CFAP47: variants seen among roughly 807,000 people sequenced by gnomAD.
CFAP47 encodes the protein cilia and flagella associated protein 47.
CFAP47 carries 29 observed loss-of-function variants against 148.1 expected under a neutral mutation model. The ratio of observed to expected loss-of-function variants is 0.20; its 90% confidence interval spans 0.15 to 0.27. The LOEUF is 0.27. CFAP47 is among the 10% of genes least tolerant of loss of function. CFAP47 has a pLI of 1.00. For missense variants in CFAP47, 1,872 were observed against 1,697.5 expected (o/e 1.10, Z -1.81); for synonymous variants, 664 against 577.3 (o/e 1.15, Z -2.15).
At chrX:36,160,850 CTTTT>C (rs147566241) in intron 39 of CFAP47, 81 bp downstream of exon 39, 427 of 157,813 alleles carry the variant, frequency 2.7e-3, no homozygotes, top group Middle Eastern at 8.1e-3. Context: ...TTCTTTCTTT[CTTTT>C]TTTTTTTTTT....
At chrX:35,937,721 G>T (rs1935938994) in intron 2 of CFAP47, among the ~76,000 whole-genome samples, 1 of 110,136 alleles carries the variant, frequency 9.1e-6, no homozygotes, top group Admixed American at 9.8e-5. Context: ...AGTCCAACTG[G>T]ATCTGAACTA....
Position 35,966,668 on chromosome X carries a change from C to A in CFAP47, c.1514C>A (p.Ser505Ter). ...GCAGAAGAAGATTTGCAATCTTTGTCGGTAAAATCTTTCCATCACGTATAT... is the reference window on the plus strand; with the variant it reads ...GCAGAAGAAGATTTGCAATCTTTGTAGGTAAAATCTTTCCATCACGTATAT... Reference protein sequence around the residue: ...LVAEEDLQSLSVKSFHHVYLA... With the variant: ...LVAEEDLQSL Residue 505 changes from serine to a stop codon, truncating the protein, a stop_gained, in exon 9 of 64, where the codon TCG becomes TAG. Transcript: ENST00000378653. LOFTEE classifies it high-confidence loss of function. The A allele has an allele frequency of 8.5e-7, 1 of 1,178,222 alleles. No individual in the cohort carries two copies.
At chrX:36,316,107 C>T (rs191769388) in intron 56 of CFAP47, among the ~76,000 whole-genome samples, 693 of 112,264 alleles carry the variant, frequency 6.2e-3, no homozygotes, top group African/African-American at 0.021. Context: ...TTGCACATGG[C>T]TTCTCAGTAA....
chrX:35,952,283 A>G (rs752060212), intron 6 of CFAP47, among the ~76,000 whole-genome samples: 1 of 111,825 alleles, frequency 8.9e-6, no homozygotes, highest in African/African-American at 3.2e-5. Context: ...TGTCCCCACG[A>G]ATAGTCAGGT....
Position 36,201,518 on chromosome X carries a change from G to C in CFAP47, c.6663+18G>C, listed in dbSNP as rs1460565031. The C allele has an allele frequency of 1.7e-5, 5 of 294,711 alleles. No individual in the cohort carries two copies. Among genetic ancestry groups the C allele is most frequent in the African/African-American group, 2.8e-5 (1 of 36,268 alleles). 24.3% of individuals were successfully genotyped at this position (294,711 alleles called of 1,213,427 possible). On this transcript the variant is annotated intron_variant, in intron 44 of 63. Transcript: ENST00000378653. ...AGATCGAGGTGGGAATGGAGTAATA[G>C]ATGATTCACTTCAATTACTCTCTCT...
At chrX:35,924,248 C>CATGTATGTGTGT (rs761132383) in intron 1 of CFAP47, among the ~76,000 whole-genome samples, 1 of 84,628 alleles carries the variant, frequency 1.2e-5, no homozygotes, top group African/African-American at 6.2e-5. Flanking sequence ...TGTATGTGTG[C>CATGTATGTGTGT]ATATGGACAT....
chrX:36,025,127 T>A (rs1445612579), intron 22 of CFAP47, among the ~76,000 whole-genome samples: 2 of 111,907 alleles, frequency 1.8e-5, no homozygotes, highest in African/African-American at 6.5e-5. Context: ...TACCTTCTTG[T>A]TAATATAAAT....
Position 36,280,542 on chromosome X carries a change from T to C in CFAP47, c.7500T>C (p.Asp2500=), listed in dbSNP as rs1219204773. ...GTACTACAAGAAGGAAACATGATGA[T>C]TATGAGGAAGACACAGATCAAGATC... ...RRCTTRRKHD[D]YEEDTDQDQA... is the part of the protein sequence containing the mutation. Residue 2500 remains aspartate, a synonymous_variant, in exon 50 of 64, where the codon GAT becomes GAC. Coordinates refer to ENST00000378653, the MANE Select transcript of CFAP47 (RefSeq NM_001304548.2). The C allele has an allele frequency of 3.9e-6, 2 of 508,159 alleles. No individual in the cohort carries two copies. The highest frequency in any genetic ancestry group is 4.6e-5 in the African/African-American group (2 of 43,091). 41.9% of individuals were successfully genotyped at this position (508,159 alleles called of 1,213,427 possible). A position where few individuals can be genotyped will look rare whatever the true frequency, so the allele number is the denominator to read the frequency against.
At chrX:36,000,743 T>G (rs1183902446) in intron 20 of CFAP47, among the ~76,000 whole-genome samples, 3 of 111,997 alleles carry the variant, frequency 2.7e-5, no homozygotes, top group Non-Finnish European at 5.6e-5. Context: ...TTGTTTTAAT[T>G]GCTCAATAAT....
chrX:36,226,309 T>G (rs1424287280), intron 45 of CFAP47, among the ~76,000 whole-genome samples: 1 of 111,481 alleles, frequency 9.0e-6, no homozygotes, highest in Non-Finnish European at 1.9e-5. Flanking sequence ...GGAAATAGAT[T>G]TAAGAAAACA....
At chrX:36,221,058 T>C (rs185380467) in intron 45 of CFAP47, among the ~76,000 whole-genome samples, 4 of 111,529 alleles carry the variant, frequency 3.6e-5, no homozygotes, top group Admixed American at 2.9e-4. Context: ...GAGATTTTGG[T>C]AAAAGAACAA....
intron 51 of CFAP47, among the ~76,000 whole-genome samples, chrX:36,291,193 C>A (rs1941189437): frequency 1.8e-5 from 2 of 111,573 alleles, no homozygotes; most frequent in South Asian, 7.5e-4. Flanking sequence ...CTGATGGAAA[C>A]AATCTAATTT....
chrX:36,008,885 C>T (rs1273882147), intron 21 of CFAP47, among the ~76,000 whole-genome samples: 1 of 111,823 alleles, frequency 8.9e-6, no homozygotes, highest in African/African-American at 3.2e-5. Flanking sequence ...TGAGTGGTCT[C>T]TTGTGAATAG....
intron 37 of CFAP47, among the ~76,000 whole-genome samples, chrX:36,156,044 C>A (rs1305136262): frequency 9.0e-6 from 1 of 111,225 alleles, no homozygotes; most frequent in Non-Finnish European, 1.9e-5. Flanking sequence ...ATGCTTAATT[C>A]TGAACACATA....
intron 55 of CFAP47, among the ~76,000 whole-genome samples, chrX:36,307,732 C>T (rs184346816): frequency 9.0e-6 from 1 of 110,690 alleles, no homozygotes; most frequent in Non-Finnish European, 1.9e-5. Flanking sequence ...ATAATACAGG[C>T]GTCTCCATGT....
chrX:36,016,430 A>C lies in CFAP47; in HGVS notation c.3556+1518A>C, dbSNP rs191469288. On this transcript the variant is annotated intron_variant, in intron 22 of 63. Coordinates refer to ENST00000378653, the MANE Select transcript of CFAP47 (RefSeq NM_001304548.2). ...ATGTTTGTCTTTCTGTGCTTGCCTT[A>C]TTTCATTTAACATAATGACCTCCAG... 3.6e-5 allele frequency among the ~76,000 whole-genome samples: 4 copies of C among 110,520 alleles called. No homozygotes were observed. The East Asian group carries it at 1.2e-3, about 32-fold the overall frequency.
At chrX:36,384,694 C>T (rs955206597) in intron 63 of CFAP47, 103 bp from the exon 64 acceptor site, 1 of 555,985 alleles carries the variant, frequency 1.8e-6, no homozygotes, top group Non-Finnish European at 3.0e-6. Flanking sequence ...CTTTTCCATA[C>T]TCTACATGGA....
chrX:36,104,593 C>T lies in CFAP47; in HGVS notation c.5222C>T (p.Ser1741Phe), dbSNP rs150125310. Reference sequence around the variant, plus strand: ...CCAAAAGTCAATCCTTGTTTTGCATCCAGCAACATATATTCTGATTCTGAA... The same window carrying T: ...CCAAAAGTCAATCCTTGTTTTGCATTCAGCAACATATATTCTGATTCTGAA... ...NTPKVNPCFA[S>F]SNIYSDSERI... Residue 1741 changes from serine to phenylalanine, a missense_variant, in exon 33 of 64, where the codon TCC becomes TTC. By Grantham distance (155) the Ser-to-Phe change is radical. Transcript: ENST00000378653. 392 of 936,917 alleles carry T rather than the reference C, an allele frequency of 4.2e-4. 3 individuals are homozygous for T. The African/African-American group carries it at 7.1e-3, about 17-fold the overall frequency. 77.2% of individuals were successfully genotyped at this position (936,917 alleles called of 1,213,427 possible).
intron 33 of CFAP47, among the ~76,000 whole-genome samples, chrX:36,105,789 G>A (rs939113743): frequency 1.2e-4 from 13 of 111,949 alleles, no homozygotes; most frequent in Admixed American, 2.8e-4. Context: ...CTTTGACCAG[G>A]GTGTCATAAA....
Sources: gnomAD v4.1 joint callset for allele counts (sites outside exome capture counted in the v4.1 genomes callset) on GRCh38, gnomAD v4.1.1 for gene constraint, MANE v1.5 for transcripts, NCBI Gene and HGNC (gene_info 2026-07-23, HGNC 2026-07-21) for gene names.